PRR35: variants seen among roughly 807,000 people sequenced by gnomAD.
PRR35 encodes proline rich 35, also known as proline-rich protein 35.
In PRR35, 14 loss-of-function variants were observed where a neutral mutation model predicts 18.6. That is an observed-to-expected ratio of 0.75 (90% CI 0.50 to 1.18). PRR35 has a LOEUF of 1.18. Ranked by LOEUF, PRR35 falls within the 50% of genes most tolerant of loss-of-function variation. The pLI, the probability that PRR35 is intolerant of heterozygous loss-of-function variation, is 0.00. For synonymous variants in PRR35, 425 were observed against 378.2 expected (o/e 1.12, Z -1.43); for missense variants, 832 against 792.2 (o/e 1.05, Z -0.60).
chr16:564,688 C>A lies in PRR35; in HGVS notation c.1097C>A (p.Ser366Tyr). The change falls in exon 3 of 3, where the codon TCC (serine) becomes TAC (tyrosine). Residue 366 changes from serine (S) to tyrosine (Y), a missense_variant. Transcript: ENST00000409413. ...CCACCCCACAGCCTGCCCACCGGCT[C>A]CTCTGTGATGCTGTGGCCTGAGGAC... Reference protein sequence around the residue: ...FCSRSSLPTGSSVMLWPEDGD... With the variant: ...FCSRSSLPTGYSVMLWPEDGD... 6.5e-7 allele frequency: 1 copy of A among 1,530,792 alleles called. No individual in the cohort carries two copies. Among genetic ancestry groups the A allele is most frequent in the South Asian group, 1.2e-5 (1 of 83,696 alleles). 94.8% of individuals were successfully genotyped at this position (1,530,792 alleles called of 1,614,324 possible).
chr16:563,224 A>G, intron 1 of PRR35, 32 bp from the exon 2 acceptor site: 1 of 1,475,462 alleles, frequency 6.8e-7, no homozygotes. Context: ...AGTCAGAGGC[A>G]GGCTTGGCAC....
chr16:564,104 G>A lies in PRR35; in HGVS notation c.810G>A (p.Leu270=). The A allele has an allele frequency of 6.4e-7, 1 of 1,571,142 alleles. No individual in the cohort carries two copies. The highest frequency in any genetic ancestry group is 8.6e-7 in the Non-Finnish European group (1 of 1,166,910). The part of the protein sequence containing the change: ...PAPRLYYPLL[L]EHTLGLPAGK... ...CCCGCCTGTACTACCCGCTGCTTCT[G>A]GAGCACACTCTGGGGCTGCCAGCAG... The change falls in exon 2 of 3, where the codon CTG becomes CTA. Residue 270 remains leucine, a synonymous_variant. Coordinates refer to ENST00000409413, the MANE Select transcript of PRR35 (RefSeq NM_145270.3).
Position 564,654 on chromosome 16 carries a change from G to T in PRR35, c.1083-20G>T. The T allele has an allele frequency of 6.6e-7, 1 of 1,510,230 alleles. No individual in the cohort carries two copies. Among genetic ancestry groups the T allele is most frequent in the South Asian group, 1.2e-5 (1 of 80,236 alleles). 93.6% of individuals were successfully genotyped at this position (1,510,230 alleles called of 1,614,324 possible). Reference sequence around the variant, plus strand: ...CGCTGTGGGGGCAGTGCGGCCTCCTGACCAGCTTCCACCCCACAGCCTGCC... The same window carrying T: ...CGCTGTGGGGGCAGTGCGGCCTCCTTACCAGCTTCCACCCCACAGCCTGCC... On this transcript the variant is annotated intron_variant, in intron 2 of 2. Coordinates refer to ENST00000409413, the MANE Select transcript of PRR35 (RefSeq NM_145270.3).
In PRR35 at chr16:563,505, T is replaced by C. The variant is rs1238238113; in HGVS notation, c.211T>C (p.Ser71Pro). ...GGACTCCCTGTCCCTGCTGCTAGAC[T>C]CCCCAGACTGGGCGTGCCGCCGTGG... is the stretch of plus-strand genomic sequence containing the variant. ...CKDSLSLLLDSPDWACRRGST... is the reference protein window; with the variant it reads ...CKDSLSLLLDPPDWACRRGST... Residue 71 changes from serine to proline, a missense_variant, in exon 2 of 3, where the codon TCC (serine) becomes CCC (proline). Coordinates refer to ENST00000409413, the MANE Select transcript of PRR35 (RefSeq NM_145270.3). The C allele has an allele frequency of 1.9e-6, 3 of 1,612,146 alleles. No individual in the cohort carries two copies. The highest frequency in any genetic ancestry group is 1.7e-5 in the Admixed American group (1 of 59,980).
At chr16:561,873 C>T in intron 1 of PRR35, 8 of 646,442 alleles carry the variant, frequency 1.2e-5, no homozygotes, top group Non-Finnish European at 1.5e-5. Flanking sequence ...GTTTGGAAAG[C>T]CCCCCCACAC....
At position 560,449 on chromosome 16, in the gene PRR35, G is replaced by A; in HGVS notation, c.-252G>A. Reference sequence around the variant, plus strand: ...GACGCGGGCGGCGGCGGAGGCTGCGGGAGTCGCTGCCGCTCGAGGGACCGC... The same window carrying A: ...GACGCGGGCGGCGGCGGAGGCTGCGAGAGTCGCTGCCGCTCGAGGGACCGC... On this transcript the variant is annotated 5_prime_UTR_variant, in exon 1 of 3. Coordinates refer to ENST00000409413, the MANE Select transcript of PRR35 (RefSeq NM_145270.3). 3.1e-6 allele frequency: 3 copies of A among 982,926 alleles called. No individual in the cohort carries two copies. Among genetic ancestry groups the A allele is most frequent in the Non-Finnish European group, 3.6e-6 (3 of 829,014 alleles). 60.9% of individuals were successfully genotyped at this position (982,926 alleles called of 1,614,324 possible).
intron 1 of PRR35, 158 bp downstream of exon 1, chr16:560,819 A>T: frequency 4.4e-6 from 1 of 229,574 alleles, no homozygotes; most frequent in Non-Finnish European, 5.4e-6. Flanking sequence ...GCGCGGGGGG[A>T]GGGAGGGCCG....
At chr16:561,007 T>TGGGG (rs551802494) in intron 1 of PRR35, among the ~76,000 whole-genome samples, 77 of 148,650 alleles carry the variant, frequency 5.2e-4, no homozygotes, top group African/African-American at 1.9e-3. Flanking sequence ...TCCTGCCCTG[T>TGGGG]GGGGGTGCCT....
At position 564,825 on chromosome 16, in the gene PRR35, C is replaced by T. The variant is rs886186746; in HGVS notation, c.1234C>T (p.Leu412Phe). 1.3e-6 allele frequency: 2 copies of T among 1,559,332 alleles called. No homozygotes were observed. Among genetic ancestry groups the T allele is most frequent in the Non-Finnish European group, 8.6e-7 (1 of 1,156,380 alleles). ...TGTGGGCGAGGACCTGACCCGAGCCCTCGGTGACTACGCCAGGGTGGAGCA... is the reference window on the plus strand; with the variant it reads ...TGTGGGCGAGGACCTGACCCGAGCCTTCGGTGACTACGCCAGGGTGGAGCA... ...EHVGEDLTRA[L>F]GDYARVEQRL... is the part of the protein sequence containing the mutation. The change falls in exon 3 of 3, where the codon CTC (leucine) becomes TTC (phenylalanine). Residue 412 changes from leucine (L) to phenylalanine (F), a missense_variant. Leu to Phe is a conservative substitution (Grantham distance 22). This residue lies in a region of PRR35 where 768 missense variants were observed against 704.1 expected (regional missense o/e 1.09). Transcript: ENST00000409413.
chr16:560,367 G>GGCGC (rs2035412475), upstream of PRR35: 1 of 982,680 alleles, frequency 1.0e-6, no homozygotes, highest in Non-Finnish European at 1.2e-6. Context: ...CCGGAGCCCA[G>GGCGC]GCGCACGCGC....
rs1378579892 is a variant in PRR35 at position 564,564 on chromosome 16, A to G, written c.1083-110A>G. 5 of 1,403,230 alleles carry G rather than the reference A, an allele frequency of 3.6e-6. No individual in the cohort carries two copies. In the African/African-American group the frequency reaches 7.3e-5, roughly 20 times the overall value. The allele number at this position is 1,403,230 out of a possible 1,614,324, so 86.9% of individuals were successfully genotyped here. ...CGGGGGTCCTCGGGGTCTCCAGGAGAGCCTAGGCTCTAGGCTGGGGCCACA... is the reference window on the plus strand; with the variant it reads ...CGGGGGTCCTCGGGGTCTCCAGGAGGGCCTAGGCTCTAGGCTGGGGCCACA... On this transcript the variant is annotated intron_variant, in intron 2 of 2. Transcript: ENST00000409413.
rs774363114 is a variant in PRR35 at position 563,540 on chromosome 16, G to A, written c.246G>A (p.Thr82=). 170 of 1,610,840 alleles carry A rather than the reference G, an allele frequency of 1.1e-4. No individual in the cohort carries two copies. Among genetic ancestry groups the A allele is most frequent in the Middle Eastern group, 6.6e-4 (4 of 6,078 alleles). ...GGGCGTGCCGCCGTGGCTCCACCACGCCTAGGCCCCACGCACCCACCCCAG... is the reference window on the plus strand; with the variant it reads ...GGGCGTGCCGCCGTGGCTCCACCACACCTAGGCCCCACGCACCCACCCCAG... ...PDWACRRGST[T]PRPHAPTPDR... The change falls in exon 2 of 3, where the codon ACG becomes ACA. Residue 82 remains threonine (T), a synonymous_variant. Coordinates refer to ENST00000409413, the MANE Select transcript of PRR35 (RefSeq NM_145270.3).
In PRR35 at chr16:564,901, G is replaced by A. The variant is rs748829767; in HGVS notation, c.1310G>A (p.Arg437Gln). 73 of 1,591,252 alleles carry A rather than the reference G, an allele frequency of 4.6e-5. No individual in the cohort carries two copies. The highest frequency in any genetic ancestry group is 6.8e-5 in the South Asian group (6 of 88,322). Residue 437 changes from arginine to glutamine, a missense_variant, in exon 3 of 3, where the codon CGG becomes CAG. Physicochemically the swap from Arg to Gln is conservative, Grantham distance 43. This residue lies in a region of PRR35 where 768 missense variants were observed against 704.1 expected (regional missense o/e 1.09). Transcript: ENST00000409413. ...PAGGLAPRPL[R>Q]EQLGKIRLEL... ...GGGGGCCTGGCCCCGAGACCCCTGC[G>A]GGAGCAGCTGGGCAAGATCCGCCTG...
chr16:564,696 A>G lies in PRR35; in HGVS notation c.1105A>G (p.Met369Val). The change falls in exon 3 of 3, where the codon ATG becomes GTG. Residue 369 changes from methionine to valine, a missense_variant. Coordinates refer to ENST00000409413, the MANE Select transcript of PRR35 (RefSeq NM_145270.3). ...CAGCCTGCCCACCGGCTCCTCTGTGATGCTGTGGCCTGAGGACGGGGATCC... is the reference window on the plus strand; with the variant it reads ...CAGCCTGCCCACCGGCTCCTCTGTGGTGCTGTGGCCTGAGGACGGGGATCC... ...RSSLPTGSSV[M>V]LWPEDGDPGG... 1 of 1,532,420 alleles carries G rather than the reference A, an allele frequency of 6.5e-7. No homozygotes were observed. The highest frequency in any genetic ancestry group is 8.7e-7 in the Non-Finnish European group (1 of 1,145,754). The allele number at this position is 1,532,420 out of a possible 1,614,324, so 94.9% of individuals were successfully genotyped here. A position where few individuals can be genotyped will look rare whatever the true frequency, so the allele number is the denominator to read the frequency against.
chr16:563,961 T>G lies in PRR35; in HGVS notation c.667T>G (p.Leu223Val), dbSNP rs762162417. 2 of 1,600,042 alleles carry G rather than the reference T, an allele frequency of 1.2e-6. No individual in the cohort carries two copies. Among genetic ancestry groups the G allele is most frequent in the Non-Finnish European group, 1.7e-6 (2 of 1,174,562 alleles). Residue 223 changes from leucine (L) to valine (V), a missense_variant, in exon 2 of 3, where the codon TTG (leucine) becomes GTG (valine). This residue lies in a region of PRR35 where 768 missense variants were observed against 704.1 expected (regional missense o/e 1.09). Coordinates refer to ENST00000409413, the MANE Select transcript of PRR35 (RefSeq NM_145270.3). ...YPLSPGLFSY[L>V]GPSLAAAAHV... ...GCTCAGCCCCGGCCTCTTCTCCTACTTGGGGCCCTCACTGGCCGCTGCAGC... is the reference window on the plus strand; with the variant it reads ...GCTCAGCCCCGGCCTCTTCTCCTACGTGGGGCCCTCACTGGCCGCTGCAGC...
intron 1 of PRR35, among the ~76,000 whole-genome samples, chr16:562,446 G>T (rs2142107672): frequency 6.6e-6 from 1 of 152,248 alleles, no homozygotes; most frequent in South Asian, 2.1e-4. Flanking sequence ...ACACATGCAT[G>T]CATGCACACA....
rs61007293 is a variant in PRR35, at chr16:563,035, C to CTTTT, written c.-39-208_-39-205dup. Among the ~76,000 whole-genome samples the CTTTT allele has an allele frequency of 4.7e-4, 62 of 131,028 alleles. 1 individual carries two copies. The highest frequency in any genetic ancestry group is 2.8e-3 in the South Asian group (11 of 3,942). The allele number at this position is 131,028 out of a possible 152,430, so 86.0% of individuals were successfully genotyped here. A position where few individuals can be genotyped will look rare whatever the true frequency, so the allele number is the denominator to read the frequency against. On this transcript the variant is annotated intron_variant, in intron 1 of 2. Coordinates refer to ENST00000409413, the MANE Select transcript of PRR35 (RefSeq NM_145270.3). ...GTCAGATGCAGCTCGCTGTCCTGGA[C>CTTTT]TTTTTTTTTTTTTTTTGGTGCCCTG...
rs751972383 is a variant in PRR35, at chr16:563,349, C to T, written c.55C>T (p.Arg19Trp). 9 of 1,611,924 alleles carry T rather than the reference C, an allele frequency of 5.6e-6. No individual in the cohort carries two copies. The East Asian group carries it at 6.7e-5, about 12-fold the overall frequency. Residue 19 changes from arginine to tryptophan, a missense_variant, in exon 2 of 3, where the codon CGG (arginine) becomes TGG (tryptophan). By Grantham distance (101) the Arg-to-Trp change is moderately radical (BLOSUM62 -3). Coordinates refer to ENST00000409413, the MANE Select transcript of PRR35 (RefSeq NM_145270.3). ...GGGCACAGGGGCGAGGGCGCGGTCT[C>T]GGAAGCCCAAGAAGCCACACTACAT... ...RVGTGARARS[R>W]KPKKPHYIPR...
Position 565,460 on chromosome 16 carries a change from CA to C in PRR35, c.*154del. On this transcript the variant is annotated 3_prime_UTR_variant, in exon 3 of 3. Coordinates refer to ENST00000409413, the MANE Select transcript of PRR35 (RefSeq NM_145270.3). ...TGGCCAACGCTTGTCCCTGGGGCCA[CA>C]CAGGGACACTGGAGGTCACAGTTAT... 2 of 709,228 alleles carry C rather than the reference CA, an allele frequency of 2.8e-6. No homozygotes were observed. Among genetic ancestry groups the C allele is most frequent in the Non-Finnish European group, 4.2e-6 (2 of 476,462 alleles). 43.9% of individuals were successfully genotyped at this position (709,228 alleles called of 1,614,324 possible).
Sources: allele counts gnomAD v4.1 joint callset (sites outside exome capture counted in the v4.1 genomes callset), GRCh38; gene constraint gnomAD v4.1.1; regional missense constraint gnomAD v4.1.1; transcripts MANE v1.5; gene names NCBI Gene and HGNC (gene_info 2026-07-23, HGNC 2026-07-21).